Variants in PRDM16 observed in about 807,000 individuals in gnomAD.
PRDM16 encodes histone-lysine N-methyltransferase PRDM16.
In PRDM16, 23 loss-of-function variants were observed where a neutral mutation model predicts 110.6. The observed-to-expected ratio is 0.21, with a 90% CI of 0.15 to 0.29. PRDM16 has a LOEUF of 0.29. PRDM16 is among the 10% of genes least tolerant of loss of function. The pLI, the probability that PRDM16 is intolerant of heterozygous loss-of-function variation, is 1.00. For synonymous variants in PRDM16, 799 were observed against 781.8 expected (o/e 1.02, Z -0.37); for missense variants, 1,615 against 1,794.3 (o/e 0.90, Z 1.81).
At chr1:3,400,785 G>A (rs1643455802) in intron 5 of PRDM16, among the ~76,000 whole-genome samples, 1 of 152,166 alleles carries the variant, frequency 6.6e-6, no homozygotes, top group South Asian at 2.1e-4. Context: ...CACCGGCTGA[G>A]AACGAAATCA....
chr1:3,181,552 G>GGTCTTACACGGTCTTACA lies in PRDM16; in HGVS notation c.38-4573_38-4572insGTCTTACACGGTCTTACA, dbSNP rs755533699. 1.5e-4 allele frequency among the ~76,000 whole-genome samples: 4 copies of GGTCTTACACGGTCTTACA among 27,430 alleles called. 1 individual carries two copies. Among genetic ancestry groups the GGTCTTACACGGTCTTACA allele is most frequent in the South Asian group, 1.9e-3 (1 of 538 alleles). 18.0% of individuals were successfully genotyped at this position (27,430 alleles called of 152,430 possible). The stretch of plus-strand genomic sequence containing the variant: ...CGGTCTTACACACGGTCTTACACAC[G>GGTCTTACACGGTCTTACA]CAGTCTTACACACGCAGTCTTACAC... On this transcript the variant is annotated intron_variant, in intron 1 of 16. Transcript: ENST00000270722.
chr1:3,241,582 G>A (rs528314388), intron 2 of PRDM16, among the ~76,000 whole-genome samples: 8 of 152,332 alleles, frequency 5.3e-5, no homozygotes, highest in South Asian at 4.1e-4. Flanking sequence ...CCGTCTCTGC[G>A]TCCCCACCTG....
chr1:3,427,238 G>A (rs12124567), intron 14 of PRDM16, among the ~76,000 whole-genome samples: 44,537 of 152,164 alleles, frequency 0.29, 6,906 homozygotes, highest in Middle Eastern at 0.38. Context: ...ACACCCCAGC[G>A]GGGCTGCTTC....
intron 3 of PRDM16, among the ~76,000 whole-genome samples, chr1:3,335,631 A>ACACACACACCCACACC (rs1553165016): frequency 4.6e-5 from 7 of 151,964 alleles, no homozygotes; most frequent in African/African-American, 1.7e-4. Context: ...ACACACACAC[A>ACACACACACCCACACC]CACACACACA....
chr1:3,431,463 G>A (rs1000627630), intron 15 of PRDM16, among the ~76,000 whole-genome samples: 10 of 152,244 alleles, frequency 6.6e-5, no homozygotes, highest in Admixed American at 6.5e-4. Context: ...GGCACACGGG[G>A]GCCAAGCACC....
intron 2 of PRDM16, among the ~76,000 whole-genome samples, chr1:3,216,504 G>T (rs1035904078): frequency 1.3e-5 from 2 of 152,238 alleles, no homozygotes; most frequent in Non-Finnish European, 2.9e-5. Flanking sequence ...CCCAGGTCTG[G>T]TGGGTTGGTG....
chr1:3,283,079 C>T (rs983753416), intron 3 of PRDM16, among the ~76,000 whole-genome samples: 5 of 152,342 alleles, frequency 3.3e-5, no homozygotes, highest in African/African-American at 9.6e-5. Context: ...CGAGCAGGTG[C>T]GGGGTGCGTC....
Position 3,416,052 on chromosome 1 carries a change from G to A in PRDM16, c.2691+1405G>A, listed in dbSNP as rs183550148. 5.3e-5 allele frequency among the ~76,000 whole-genome samples: 8 copies of A among 152,340 alleles called. 1 individual carries two copies. The highest frequency in any genetic ancestry group is 1.9e-4 in the East Asian group (1 of 5,164). On this transcript the variant is annotated intron_variant, in intron 10 of 16. Coordinates refer to ENST00000270722, the MANE Select transcript of PRDM16 (RefSeq NM_022114.4). ...GAGAGCATGCCTGCCTCGCAGGGGC[G>A]GGAGAAGCCTGACCCCCACAGCCTG... is the stretch of plus-strand genomic sequence containing the variant.
At chr1:3,220,028 C>T (rs963894417) in intron 2 of PRDM16, among the ~76,000 whole-genome samples, 11 of 152,176 alleles carry the variant, frequency 7.2e-5, no homozygotes, top group African/African-American at 2.4e-4. Flanking sequence ...CCATTGACCA[C>T]GTAACCTCAG....
chr1:3,431,911 G>C, intron 15 of PRDM16, 55 bp from the exon 16 acceptor site: 1 of 1,572,948 alleles, frequency 6.4e-7, no homozygotes, highest in South Asian at 1.2e-5. Flanking sequence ...TCAGAGAGGC[G>C]GCCAAGGCCA....
chr1:3,307,710 A>G (rs558548857), intron 3 of PRDM16: 1 of 152,170 alleles, frequency 6.6e-6, no homozygotes, highest in East Asian at 1.9e-4. Flanking sequence ...CCATGAGCTT[A>G]CCCCTTAAAG....
At chr1:3,433,275 G>GC (rs1638816867) in intron 16 of PRDM16, among the ~76,000 whole-genome samples, 1 of 152,270 alleles carries the variant, frequency 6.6e-6, no homozygotes, top group African/African-American at 2.4e-5. Flanking sequence ...CGTCACGCCT[G>GC]CTCATGTCTT....
chr1:3,125,694 G>A (rs540632687), intron 1 of PRDM16, among the ~76,000 whole-genome samples: 2 of 152,382 alleles, frequency 1.3e-5, no homozygotes, highest in South Asian at 4.1e-4. Context: ...GAGCTCAGCC[G>A]TGTTTGCTGT....
At chr1:3,415,854 G>A (rs1016845285) in intron 10 of PRDM16, among the ~76,000 whole-genome samples, 5 of 152,246 alleles carry the variant, frequency 3.3e-5, no homozygotes, top group African/African-American at 1.2e-4. Context: ...CTGTCACTTG[G>A]GCAGAAGGCG....
chr1:3,229,639 T>G (rs1046500060), intron 2 of PRDM16, among the ~76,000 whole-genome samples: 1 of 152,152 alleles, frequency 6.6e-6, no homozygotes, highest in Non-Finnish European at 1.5e-5. Context: ...TTGCAGCCCA[T>G]GAGCCTGGTC....
chr1:3,418,893 C>G (rs956681725), intron 12 of PRDM16, 149 bp downstream of exon 12: 3 of 660,280 alleles, frequency 4.5e-6, no homozygotes, highest in South Asian at 3.6e-5. Flanking sequence ...TCTGGTCACT[C>G]TGGCCCTCCC....
rs902657996 is a variant in PRDM16, at chr1:3,435,352, G to A, written c.*1541G>A. 2 of 229,874 alleles carry A rather than the reference G, an allele frequency of 8.7e-6. No homozygotes were observed. The highest frequency in any genetic ancestry group is 1.7e-5 in the Non-Finnish European group (2 of 116,062). The allele number at this position is 229,874 out of a possible 1,614,324, so 14.2% of individuals were successfully genotyped here. A position where few individuals can be genotyped will look rare whatever the true frequency, so the allele number is the denominator to read the frequency against. The stretch of plus-strand genomic sequence containing the variant: ...AAGTATCTGGTGAAGGACCAAAACC[G>A]TGTGATAAGGTTGTGTGTCGTGTGG... On this transcript the variant is annotated 3_prime_UTR_variant, in exon 17 of 17. Coordinates refer to ENST00000270722, the MANE Select transcript of PRDM16 (RefSeq NM_022114.4).
intron 3 of PRDM16, among the ~76,000 whole-genome samples, chr1:3,322,656 G>A (rs1395816512): frequency 6.6e-6 from 1 of 152,210 alleles, no homozygotes; most frequent in East Asian, 1.9e-4. Context: ...CCAGTCCACA[G>A]GCCATGCTGG....
At chr1:3,294,402 C>A (rs1641041754) in intron 3 of PRDM16, among the ~76,000 whole-genome samples, 2 of 152,102 alleles carry the variant, frequency 1.3e-5, no homozygotes, top group Admixed American at 6.5e-5. Context: ...CCTGACCCCA[C>A]CTCAGGGTTT....
Sources: gnomAD v4.1 joint callset for allele counts (sites outside exome capture counted in the v4.1 genomes callset) on GRCh38, gnomAD v4.1.1 for gene constraint, MANE v1.5 for transcripts, NCBI Gene and HGNC (gene_info 2026-07-23, HGNC 2026-07-21) for gene names.